Variants in PALLD observed in about 807,000 individuals in gnomAD.
PALLD encodes palladin, cytoskeletal associated protein.
PALLD carries 61 observed loss-of-function variants against 123.5 expected under a neutral mutation model. The observed-to-expected ratio is 0.49, with a 90% CI of 0.40 to 0.61. The LOEUF is 0.61. Among genes scored for constraint, PALLD ranks in the 20% least tolerant of loss-of-function variants. The pLI is 0.00. For synonymous variants in PALLD, 465 were observed against 496.4 expected (o/e 0.94, Z 0.84); for missense variants, 1,273 against 1,377.0 (o/e 0.92, Z 1.20).
At chr4:168,720,175 G>A (rs937799730) in intron 10 of PALLD, among the ~76,000 whole-genome samples, 14 of 152,294 alleles carry the variant, frequency 9.2e-5, no homozygotes, top group South Asian at 4.1e-4. Flanking sequence ...TGGCAAGAAC[G>A]TGCAGATGCA....
chr4:168,760,326 G>C (rs534044203), intron 10 of PALLD, among the ~76,000 whole-genome samples: 1 of 132,984 alleles, frequency 7.5e-6, no homozygotes, highest in African/African-American at 2.8e-5. Context: ...CAGTGGGTGC[G>C]GGGAGGCCTC....
intron 3 of PALLD, among the ~76,000 whole-genome samples, chr4:168,680,508 A>G (rs1173335779): frequency 6.8e-6 from 1 of 147,420 alleles, no homozygotes; most frequent in Admixed American, 6.8e-5. Context: ...AAAAAAAAAA[A>G]AACACTTATC....
chr4:168,643,746 A>T (rs995711852), intron 2 of PALLD, among the ~76,000 whole-genome samples: 4 of 152,228 alleles, frequency 2.6e-5, no homozygotes, highest in African/African-American at 9.6e-5. Context: ...AGTTTCTCCT[A>T]AAGATCATCA....
At chr4:168,837,046 G>A (rs922971869) in intron 10 of PALLD, among the ~76,000 whole-genome samples, 1 of 152,118 alleles carries the variant, frequency 6.6e-6, no homozygotes, top group African/African-American at 2.4e-5. Context: ...GCCCTGGAGG[G>A]AAAATAAAGG....
rs1357570123 is a variant in PALLD, at chr4:168,922,100, TATACACACACAC to T, written c.3058+361_3058+372del. The stretch of plus-strand genomic sequence containing the variant: ...AGTTTTATATTTATATATATATATA[TATACACACACAC>T]ACACACACACACACACACACACACA... On this transcript the variant is annotated intron_variant, in intron 18 of 21. Transcript: ENST00000505667. Among the ~76,000 whole-genome samples the T allele has an allele frequency of 5.9e-3, 571 of 96,622 alleles. 6 individuals carry two copies. Among genetic ancestry groups the T allele is most frequent in the African/African-American group, 0.017 (481 of 28,030 alleles). 63.4% of individuals were successfully genotyped at this position (96,622 alleles called of 152,430 possible).
intron 10 of PALLD, chr4:168,832,772 G>C (rs1744470947): frequency 6.6e-6 from 1 of 152,306 alleles, no homozygotes; most frequent in African/African-American, 2.4e-5. Context: ...CGCGTAACTC[G>C]GGGCGTCCTT....
At chr4:168,802,137 GAA>G (rs1422948509) in intron 10 of PALLD, among the ~76,000 whole-genome samples, 1 of 152,210 alleles carries the variant, frequency 6.6e-6, no homozygotes, top group African/African-American at 2.4e-5. Context: ...GCTCCATTGA[GAA>G]AAACTGCTGC....
At chr4:168,618,261 G>T (rs993653493) in intron 2 of PALLD, among the ~76,000 whole-genome samples, 1 of 152,192 alleles carries the variant, frequency 6.6e-6, no homozygotes, top group East Asian at 1.9e-4. Flanking sequence ...TAACAATGTA[G>T]TTATATGTAA....
intron 10 of PALLD, among the ~76,000 whole-genome samples, chr4:168,770,922 T>A (rs753352193): frequency 1.6e-4 from 24 of 152,068 alleles, no homozygotes; most frequent in Non-Finnish European, 2.8e-4. Context: ...TAGCTGGGCA[T>A]GGGAGCGGGC....
chr4:168,924,108 T>G (rs750954768), intron 18 of PALLD, 147 bp from the exon 19 acceptor site: 2 of 679,828 alleles, frequency 2.9e-6, no homozygotes, highest in African/African-American at 1.8e-5. Context: ...AAAGAATAAT[T>G]TGGAGAGGGG....
intron 10 of PALLD, among the ~76,000 whole-genome samples, chr4:168,777,137 G>A (rs539307253): frequency 5.3e-5 from 8 of 152,074 alleles, no homozygotes; most frequent in African/African-American, 1.9e-4. Context: ...AGTCTTACAT[G>A]GTGAGGTCCT....
At chr4:168,777,723 G>A (rs574893186) in intron 10 of PALLD, among the ~76,000 whole-genome samples, 1 of 152,272 alleles carries the variant, frequency 6.6e-6, no homozygotes, top group South Asian at 2.1e-4. Flanking sequence ...TCCCAGCCCC[G>A]TTTAGCAGTA....
chr4:168,891,737 G>T (rs1483653497), intron 11 of PALLD, among the ~76,000 whole-genome samples: 1 of 151,774 alleles, frequency 6.6e-6, no homozygotes, highest in Non-Finnish European at 1.5e-5. Flanking sequence ...GGGTTGGGGA[G>T]GGATGGAGAA....
chr4:168,550,211 G>C (rs1380686561), intron 2 of PALLD, among the ~76,000 whole-genome samples: 1 of 152,184 alleles, frequency 6.6e-6, no homozygotes, highest in Non-Finnish European at 1.5e-5. Context: ...GGAGAGAAGA[G>C]TTCCTCAGGG....
At chr4:168,821,082 G>A (rs899501136) in intron 10 of PALLD, among the ~76,000 whole-genome samples, 3 of 152,098 alleles carry the variant, frequency 2.0e-5, no homozygotes, top group Non-Finnish European at 4.4e-5. Flanking sequence ...TCCAAATGTC[G>A]CAGACATAAA....
At chr4:168,533,342 G>A (rs939641440) in intron 2 of PALLD, among the ~76,000 whole-genome samples, 1 of 152,270 alleles carries the variant, frequency 6.6e-6, no homozygotes, top group South Asian at 2.1e-4. Context: ...AGTCACTGAC[G>A]AGAAACTGAG....
chr4:168,668,165 C>T, intron 2 of PALLD, 25 bp from the exon 3 acceptor site: 2 of 1,593,196 alleles, frequency 1.3e-6, no homozygotes, highest in South Asian at 2.2e-5. Flanking sequence ...TCCCTCCTAT[C>T]CTTTGACCTC....
chr4:168,781,608 G>A (rs1735934898), intron 10 of PALLD, among the ~76,000 whole-genome samples: 1 of 152,190 alleles, frequency 6.6e-6, no homozygotes, highest in African/African-American at 2.4e-5. Flanking sequence ...CAGCATTGAG[G>A]AAAACTGTCA....
At chr4:168,799,178 G>A (rs187573092) in intron 10 of PALLD, among the ~76,000 whole-genome samples, 11 of 152,308 alleles carry the variant, frequency 7.2e-5, no homozygotes, top group African/African-American at 2.6e-4. Flanking sequence ...AGTGGTTGAG[G>A]TATGGCTGCT....
Sources: allele counts gnomAD v4.1 joint callset (sites outside exome capture counted in the v4.1 genomes callset), GRCh38; gene constraint gnomAD v4.1.1; transcripts MANE v1.5; gene names NCBI Gene and HGNC (gene_info 2026-07-23, HGNC 2026-07-21).